The following GPT variants were observed in gnomAD, a reference collection of about 807,000 sequenced individuals.
The protein encoded by GPT is alanine aminotransferase 1.
In GPT, 60 loss-of-function variants were observed where a neutral mutation model predicts 51.4. The ratio of observed to expected loss-of-function variants is 1.17; its 90% CI spans 0.95 to 1.45. The LOEUF is 1.45. Among genes scored for constraint, GPT ranks in the 40% most tolerant of loss-of-function variants. The pLI, the probability that GPT is intolerant of heterozygous loss-of-function variation, is 0.00. For missense variants in GPT, 853 were observed against 704.0 expected, an observed-to-expected ratio of 1.21 and a Z score of -2.40; for synonymous variants, 397 against 303.1, an observed-to-expected ratio of 1.31 and a Z score of -3.22.
At position 144,505,334 on chromosome 8, in the gene GPT, C is replaced by T. The variant is rs376363949; in HGVS notation, c.584C>T (p.Thr195Met). The T allele has an allele frequency of 9.2e-5, 144 of 1,571,300 alleles. 1 individual carries two copies. Among genetic ancestry groups the T allele is most frequent in the Admixed American group, 3.8e-5 (2 of 53,268 alleles). ...CCCCAGTACCCACTCTACTCGGCCACGCTGGCAGAGCTGGGCGCAGTGCAG... is the reference window on the plus strand; with the variant it reads ...CCCCAGTACCCACTCTACTCGGCCATGCTGGCAGAGCTGGGCGCAGTGCAG... ...PIPQYPLYSATLAELGAVQVD... is the reference protein window; with the variant it reads ...PIPQYPLYSAMLAELGAVQVD... Residue 195 changes from threonine (T) to methionine (M), a missense_variant, in exon 5 of 11, where the codon ACG becomes ATG. Thr to Met is a moderately conservative substitution (Grantham distance 81). Coordinates refer to ENST00000394955, the MANE Select transcript of GPT (RefSeq NM_005309.3).
In GPT at chr8:144,504,355, G is replaced by A. The variant is rs1414344358; in HGVS notation, c.51G>A (p.Arg17=). 8 of 1,611,162 alleles carry A rather than the reference G, an allele frequency of 5.0e-6. No individual in the cohort carries two copies. The highest frequency in any genetic ancestry group is 2.2e-5 in the East Asian group (1 of 44,900). ...GCCAGGCGGTGAGGCATGGACTGAGGGCGAAGGTGCTGACGCTGGACGGCA... is the reference window on the plus strand; with the variant it reads ...GCCAGGCGGTGAGGCATGGACTGAGAGCGAAGGTGCTGACGCTGGACGGCA... The part of the protein sequence containing the change: ...DRSQAVRHGL[R]AKVLTLDGMN... The change falls in exon 1 of 11, where the codon AGG becomes AGA. Residue 17 remains arginine (R), a synonymous_variant. Transcript: ENST00000394955.
chr8:144,503,613 AG>A (rs1315301920), upstream of GPT: 2 of 153,974 alleles, frequency 1.3e-5, no homozygotes, highest in Admixed American at 1.3e-4. Context: ...TCTGGGCCAT[AG>A]CTGCCAGCTC....
In GPT at chr8:144,507,039, TG is replaced by T; in HGVS notation, c.*40del. On this transcript the variant is annotated 3_prime_UTR_variant, in exon 11 of 11. Coordinates refer to ENST00000394955, the MANE Select transcript of GPT (RefSeq NM_005309.3). ...GGCCAGGCTGGGTCGCCCTGGACTG[TG>T]TGCTCAGGAGCCCTGGGAGGCTCTG... 7.9e-7 allele frequency: 1 copy of T among 1,262,204 alleles called. No individual in the cohort carries two copies. The highest frequency in any genetic ancestry group is 1.1e-6 in the Non-Finnish European group (1 of 922,772). 78.2% of individuals were successfully genotyped at this position (1,262,204 alleles called of 1,614,324 possible).
In GPT at chr8:144,507,036, C is replaced by G. The variant is rs563852753; in HGVS notation, c.*36C>G. The G allele has an allele frequency of 2.4e-6, 3 of 1,260,572 alleles. No individual in the cohort carries two copies. In the Admixed American group the frequency reaches 6.0e-5, roughly 25 times the overall value. The allele number at this position is 1,260,572 out of a possible 1,614,324, so 78.1% of individuals were successfully genotyped here. A position where few individuals can be genotyped will look rare whatever the true frequency, so the allele number is the denominator to read the frequency against. On this transcript the variant is annotated 3_prime_UTR_variant, in exon 11 of 11. Coordinates refer to ENST00000394955, the MANE Select transcript of GPT (RefSeq NM_005309.3). Reference sequence around the variant, plus strand: ...TGGGGCCAGGCTGGGTCGCCCTGGACTGTGTGCTCAGGAGCCCTGGGAGGC... The same window carrying G: ...TGGGGCCAGGCTGGGTCGCCCTGGAGTGTGTGCTCAGGAGCCCTGGGAGGC...
chr8:144,505,954 C>A, intron 6 of GPT, 27 bp downstream of exon 6: 1 of 1,611,924 alleles, frequency 6.2e-7, no homozygotes, highest in Non-Finnish European at 8.5e-7. Context: ...AGCGGGAAGC[C>A]GGGCAACAGT....
At chr8:144,505,189 G>C in intron 4 of GPT, 57 bp from the exon 5 acceptor site, 1 of 1,612,624 alleles carries the variant, frequency 6.2e-7, no homozygotes, top group Admixed American at 1.7e-5. Flanking sequence ...CGCCCAGGGT[G>C]GGGGACAGGT....
In GPT at chr8:144,505,071, A is replaced by G. The variant is rs745556641; in HGVS notation, c.435A>G (p.Gly145=). The G allele has an allele frequency of 3.1e-6, 5 of 1,613,144 alleles. No individual in the cohort carries two copies. In the East Asian group the frequency reaches 8.9e-5, roughly 29 times the overall value. ...CGCGGTACATTGAGAGGCGTGACGG[A>G]GGCATCCCTGCGGACCCCAACAACG... ...DVARYIERRD[G]GIPADPNNVF... is the part of the protein sequence containing the mutation. Residue 145 remains glycine, a synonymous_variant, in exon 4 of 11, where the codon GGA becomes GGG. Coordinates refer to ENST00000394955, the MANE Select transcript of GPT (RefSeq NM_005309.3).
intron 5 of GPT, 65 bp from the exon 6 acceptor site, chr8:144,505,783 C>T: frequency 6.7e-7 from 1 of 1,486,550 alleles, no homozygotes; most frequent in South Asian, 1.2e-5. Context: ...TGGACCCCGG[C>T]TGCCCAGCGG....
chr8:144,506,027 G>C lies in GPT; in HGVS notation c.852G>C (p.Ser284=). ...VYQDNVYAAG[S]QFHSFKKVLM... ...AGGACAACGTGTACGCCGCGGGTTC[G>C]CAGTTCCACTCATTCAAGAAGGTGC... Residue 284 remains serine, a synonymous_variant, in exon 7 of 11, where the codon TCG becomes TCC. Coordinates refer to ENST00000394955, the MANE Select transcript of GPT (RefSeq NM_005309.3). This position sits in a 1 kb window ranked among gnomAD's most constrained non-coding sequence, Gnocchi z 7.0. The C allele has an allele frequency of 6.2e-7, 1 of 1,612,428 alleles. No individual in the cohort carries two copies. Among genetic ancestry groups the C allele is most frequent in the Non-Finnish European group, 8.5e-7 (1 of 1,179,712 alleles).
At chr8:144,505,191 G>A (rs1309697354) in intron 4 of GPT, 55 bp from the exon 5 acceptor site, 9 of 1,612,456 alleles carry the variant, frequency 5.6e-6, no homozygotes, top group African/African-American at 1.3e-5. Flanking sequence ...CCCAGGGTGG[G>A]GGACAGGTGC....
chr8:144,505,042 G>A lies in GPT; in HGVS notation c.406G>A (p.Val136Met), dbSNP rs762924568. 5.6e-6 allele frequency: 9 copies of A among 1,613,164 alleles called. No homozygotes were observed. Among genetic ancestry groups the A allele is most frequent in the Admixed American group, 3.3e-5 (2 of 60,032 alleles). The part of the protein sequence containing the change: ...SSGIQLIRED[V>M]ARYIERRDGG... The stretch of plus-strand genomic sequence containing the variant: ...CGGCATCCAGCTGATCCGGGAGGAC[G>A]TGGCGCGGTACATTGAGAGGCGTGA... The change falls in exon 4 of 11, where the codon GTG becomes ATG. Residue 136 changes from valine to methionine, a missense_variant. Physicochemically the swap from Val to Met is conservative, Grantham distance 21 (BLOSUM62 1). Transcript: ENST00000394955.
In GPT at chr8:144,505,510, C is replaced by T. The variant is rs1485894316; in HGVS notation, c.739+21C>T. The stretch of plus-strand genomic sequence containing the variant: ...CACCGGTGCGTTCCCCGCCGCCCCG[C>T]CCCACTCCCCCCGCGCCCACGTTGC... On this transcript the variant is annotated intron_variant, in intron 5 of 10. Transcript: ENST00000394955. 5 of 1,520,494 alleles carry T rather than the reference C, an allele frequency of 3.3e-6. No homozygotes were observed. The African/African-American group carries it at 7.2e-5, about 22-fold the overall frequency. 94.2% of individuals were successfully genotyped at this position (1,520,494 alleles called of 1,614,324 possible). A position where few individuals can be genotyped will look rare whatever the true frequency, so the allele number is the denominator to read the frequency against.
At position 144,504,296 on chromosome 8, in the gene GPT, G is replaced by T. The variant is rs1826675046; in HGVS notation, c.-9G>T. ...CTGAGCTGCCTTCCCGCCTGGTCTG[G>T]GTAGAGTCATGGCCTCGAGCACAGG... On this transcript the variant is annotated 5_prime_UTR_variant, in exon 1 of 11. Transcript: ENST00000394955. The T allele has an allele frequency of 6.2e-7, 1 of 1,607,210 alleles. No individual in the cohort carries two copies. The highest frequency in any genetic ancestry group is 1.3e-5 in the African/African-American group (1 of 75,062).
Position 144,506,470 on chromosome 8 carries a change from G to A in GPT, c.1132-31G>A. On this transcript the variant is annotated intron_variant, in intron 8 of 10. Transcript: ENST00000394955. This position sits in a 1 kb window ranked among gnomAD's most constrained non-coding sequence, Gnocchi z 7.0. Reference sequence around the variant, plus strand: ...AGGGGTGGGGGATGCCGAGTGCCGTGCCCTGATGGGCCCTCCCTCCGCGGC... The same window carrying A: ...AGGGGTGGGGGATGCCGAGTGCCGTACCCTGATGGGCCCTCCCTCCGCGGC... 2 of 1,583,474 alleles carry A rather than the reference G, an allele frequency of 1.3e-6. No individual in the cohort carries two copies. The highest frequency in any genetic ancestry group is 4.6e-5 in the East Asian group (2 of 43,624).
Position 144,506,750 on chromosome 8 carries a change from A to C in GPT, c.1307A>C (p.Asp436Ala). 1 of 1,611,742 alleles carries C rather than the reference A, an allele frequency of 6.2e-7. No individual in the cohort carries two copies. The highest frequency in any genetic ancestry group is 8.5e-7 in the Non-Finnish European group (1 of 1,179,846). Residue 436 changes from aspartate to alanine, a missense_variant, in exon 10 of 11, where the codon GAT becomes GCT. Asp to Ala is a moderately radical substitution (Grantham distance 126). Transcript: ENST00000394955. This position sits in a 1 kb window ranked among gnomAD's most constrained non-coding sequence, Gnocchi z 7.0. Reference sequence around the variant, plus strand: ...CCACAGGAGCTGGGCCTGGCCCCCGATATGTTCTTCTGCCTGCGCCTCCTG... The same window carrying C: ...CCACAGGAGCTGGGCCTGGCCCCCGCTATGTTCTTCTGCCTGCGCCTCCTG... The part of the protein sequence containing the change: ...ERAQELGLAP[D>A]MFFCLRLLEE...
chr8:144,503,756 G>A (rs1826647320), upstream of GPT: 1 of 162,178 alleles, frequency 6.2e-6, no homozygotes, highest in African/African-American at 2.4e-5. Context: ...GTGCCACGAG[G>A]GCCAGGCCTC....
chr8:144,505,775 G>T, intron 5 of GPT, 73 bp from the exon 6 acceptor site: 1 of 1,462,626 alleles, frequency 6.8e-7, no homozygotes, highest in South Asian at 1.2e-5. Context: ...GGGTCCGCTG[G>T]ACCCCGGCTG....
Position 144,506,331 on chromosome 8 carries a change from G to A in GPT, c.1056G>A (p.Val352=), listed in dbSNP as rs1290566304. The A allele has an allele frequency of 1.3e-6, 2 of 1,580,748 alleles. No homozygotes were observed. The highest frequency in any genetic ancestry group is 2.7e-5 in the African/African-American group (2 of 74,356). ...KLMSVRLCPP[V]PGQALLDLVV... is the part of the protein sequence containing the mutation. ...TGAGTGTGCGGCTGTGCCCGCCGGT[G>A]CCAGGACAGGCCCTGCTGGACCTGG... Residue 352 remains valine, a synonymous_variant, in exon 8 of 11, where the codon GTG becomes GTA. Transcript: ENST00000394955. The surrounding 1 kb of genome is among the most constrained non-coding windows in gnomAD (Gnocchi z 7.0).
In GPT at chr8:144,507,114, G is replaced by GGGGGGGGGGGGGGGGGGCGC; in HGVS notation, c.*114_*115insGGGGGGGGGGGGGGGGGCGC. The GGGGGGGGGGGGGGGGGGCGC allele has an allele frequency of 4.0e-6, 2 of 498,332 alleles. No individual in the cohort carries two copies. Among genetic ancestry groups the GGGGGGGGGGGGGGGGGGCGC allele is most frequent in the Non-Finnish European group, 7.9e-6 (2 of 254,518 alleles). 30.9% of individuals were successfully genotyped at this position (498,332 alleles called of 1,614,324 possible). A position where few individuals can be genotyped will look rare whatever the true frequency, so the allele number is the denominator to read the frequency against. Reference sequence around the variant, plus strand: ...TGCCTGGCGGGGTGGGGTGGGGGGGGTGCTGGGCCCCTGCCTCTCTGCAGG... The same window carrying GGGGGGGGGGGGGGGGGGCGC: ...TGCCTGGCGGGGTGGGGTGGGGGGGGGGGGGGGGGGGGGGGGGCGCTGCTGGGCCCCTGCCTCTCTGCAGG... On this transcript the variant is annotated 3_prime_UTR_variant, in exon 11 of 11. Transcript: ENST00000394955.
Sources: allele counts gnomAD v4.1 joint callset, GRCh38; gene constraint gnomAD v4.1.1; non-coding constraint Gnocchi (gnomAD v3.1); transcripts MANE v1.5; gene names NCBI Gene and HGNC (gene_info 2026-07-23, HGNC 2026-07-21).